Variants in HROB observed in about 807,000 individuals in gnomAD.
The protein encoded by HROB is homologous recombination OB-fold protein.
A neutral mutation model predicts 61.0 loss-of-function variants in HROB; 44 were observed. The ratio of observed to expected loss-of-function variants is 0.72; its 90% CI spans 0.57 to 0.93. HROB has a LOEUF of 0.93. HROB is among the 40% of genes least tolerant of loss of function. The pLI is 0.00. For synonymous variants in HROB, 301 were observed against 310.4 expected (o/e 0.97, Z 0.32); for missense variants, 716 against 796.2 (o/e 0.90, Z 1.21).
rs193107024 is a variant in HROB, at chr17:44,144,883, C to T, written c.4-320C>T. 2.0e-3 allele frequency among the ~76,000 whole-genome samples: 301 copies of T among 151,122 alleles called. 3 individuals carry two copies. The highest frequency in any genetic ancestry group is 7.0e-3 in the African/African-American group (287 of 41,152). ...GGCATGAGCCACCATGCCCAGCTAA[C>T]TTTTGTATTTTTAGTAGAGACAAGG... On this transcript the variant is annotated intron_variant, in intron 1 of 9. Transcript: ENST00000585683.
chr17:44,154,590 C>G lies in HROB; in HGVS notation c.1484C>G (p.Pro495Arg). ...ALKQLPRNKV[P>R]NMAVMIKSLT... ...AAGCAGCTTCCTAGGAACAAGGTCC[C>G]CAACATGGCGGTGATGATCAAGTCC... is the stretch of plus-strand genomic sequence containing the variant. The change falls in exon 6 of 10, where the codon CCC (proline) becomes CGC (arginine). Residue 495 changes from proline (P) to arginine (R), a missense_variant. Physicochemically the swap from Pro to Arg is moderately radical, Grantham distance 103. Coordinates refer to ENST00000585683, the MANE Select transcript of HROB (RefSeq NM_001171251.3). 6.2e-7 allele frequency: 1 copy of G among 1,614,122 alleles called. No homozygotes were observed. Among genetic ancestry groups the G allele is most frequent in the Non-Finnish European group, 8.5e-7 (1 of 1,180,036 alleles).
chr17:44,148,993 G>A lies in HROB; in HGVS notation c.1190G>A (p.Arg397His), dbSNP rs990763800. ...THPSTRAKTR[R>H]FPGPAGILPH... ...CCCTCCACCCGAGCCAAAACTCGCC[G>A]TTTCCCTGGCCCAGCTGGGATCCTG... Residue 397 changes from arginine (R) to histidine (H), a missense_variant, in exon 3 of 10, where the codon CGT becomes CAT. By Grantham distance (29) the Arg-to-His change is conservative. Transcript: ENST00000585683. 7.4e-6 allele frequency: 12 copies of A among 1,613,794 alleles called. No homozygotes were observed. The highest frequency in any genetic ancestry group is 2.7e-5 in the African/African-American group (2 of 74,910).
chr17:44,159,669 A>G (rs2054074260), intron 9 of HROB, among the ~76,000 whole-genome samples: 1 of 152,248 alleles, frequency 6.6e-6, no homozygotes, highest in South Asian at 2.1e-4. Flanking sequence ...CAAGCAAGTC[A>G]CGTGTCCACG....
rs2053780131 is a variant in HROB at position 44,150,836 on chromosome 17, G to T, written c.1225-125G>T. The T allele has an allele frequency of 4.0e-6, 3 of 759,016 alleles. No individual in the cohort carries two copies. The Admixed American group carries it at 7.2e-5, about 18-fold the overall frequency. 47.0% of individuals were successfully genotyped at this position (759,016 alleles called of 1,614,324 possible). On this transcript the variant is annotated intron_variant, in intron 3 of 9. Coordinates refer to ENST00000585683, the MANE Select transcript of HROB (RefSeq NM_001171251.3). ...AGGCTCCTGAGACTTTGTTAGGAGA[G>T]ATGTAATATGTGTTAATAGTCCCTG...
chr17:44,146,690 G>T (rs1326470019), intron 2 of HROB, among the ~76,000 whole-genome samples: 1 of 151,836 alleles, frequency 6.6e-6, no homozygotes, highest in Non-Finnish European at 1.5e-5. Flanking sequence ...TATAGTTCTG[G>T]TTATTATTAT....
At chr17:44,161,819 C>G in intron 9 of HROB, 52 bp from the exon 10 acceptor site, 1 of 1,586,878 alleles carries the variant, frequency 6.3e-7, no homozygotes, top group Non-Finnish European at 8.7e-7. Context: ...ACCTGAGTCA[C>G]ATGGAATGCT....
intron 3 of HROB, among the ~76,000 whole-genome samples, chr17:44,149,254 CTT>C (rs11355829): frequency 6.4e-4 from 94 of 147,520 alleles, no homozygotes; most frequent in African/African-American, 1.9e-3. Context: ...TTTTCTTCTC[CTT>C]TTTTTTTTTT....
chr17:44,157,858 T>G lies in HROB; in HGVS notation c.1796T>G (p.Val599Gly). 6.2e-7 allele frequency: 1 copy of G among 1,613,470 alleles called. No individual in the cohort carries two copies. The highest frequency in any genetic ancestry group is 1.1e-5 in the South Asian group (1 of 90,932). ...PKDSGSFQHD[V>G]AAKPEEGFRT... ...GATTCAGGGAGCTTCCAGCATGATGTGGCTGCAAAGCCCGAGGAAGGCTTC... is the reference window on the plus strand; with the variant it reads ...GATTCAGGGAGCTTCCAGCATGATGGGGCTGCAAAGCCCGAGGAAGGCTTC... The change falls in exon 9 of 10, where the codon GTG becomes GGG. Residue 599 changes from valine (V) to glycine (G), a missense_variant. Physicochemically the swap from Val to Gly is moderately radical, Grantham distance 109. Transcript: ENST00000585683.
chr17:44,160,182 A>G (rs1011166839), intron 9 of HROB, among the ~76,000 whole-genome samples: 1 of 151,552 alleles, frequency 6.6e-6, no homozygotes, highest in African/African-American at 2.4e-5. Context: ...ACTTCTCACA[A>G]TGTGCCTTCA....
In HROB at chr17:44,148,093, G is replaced by A; in HGVS notation, c.290G>A (p.Gly97Glu). Residue 97 changes from glycine to glutamate, a missense_variant, in exon 3 of 10, where the codon GGA (glycine) becomes GAA (glutamate). By Grantham distance (98) the Gly-to-Glu change is moderately conservative. Coordinates refer to ENST00000585683, the MANE Select transcript of HROB (RefSeq NM_001171251.3). ...GCTGACAGCCGTCCATCATGCATAG[G>A]AGCAGCTCCCCTAAGGCCTGTCTCT... ...PSADSRPSCI[G>E]AAPLRPVSTS... The A allele has an allele frequency of 3.1e-6, 5 of 1,614,148 alleles. No individual in the cohort carries two copies. The highest frequency in any genetic ancestry group is 4.2e-6 in the Non-Finnish European group (5 of 1,180,028).
chr17:44,143,775 C>A (rs1026111668), intron 1 of HROB, among the ~76,000 whole-genome samples: 1 of 152,078 alleles, frequency 6.6e-6, no homozygotes, highest in South Asian at 2.1e-4. Context: ...TATGATCTTG[C>A]CACTGCACTC....
chr17:44,148,700 G>C lies in HROB; in HGVS notation c.897G>C (p.Gln299His), dbSNP rs772905012. ...QSSPQNRFPCQPFQSPSSWLS... is the reference protein window; with the variant it reads ...QSSPQNRFPCHPFQSPSSWLS... ...GCCCTCAAAATCGTTTCCCTTGTCAGCCATTCCAGTCTCCAAGTTCCTGGT... is the reference window on the plus strand; with the variant it reads ...GCCCTCAAAATCGTTTCCCTTGTCACCCATTCCAGTCTCCAAGTTCCTGGT... Residue 299 changes from glutamine (Q) to histidine (H), a missense_variant, in exon 3 of 10, where the codon CAG becomes CAC. Transcript: ENST00000585683. The C allele has an allele frequency of 6.2e-7, 1 of 1,614,126 alleles. No individual in the cohort carries two copies. Among genetic ancestry groups the C allele is most frequent in the Admixed American group, 1.7e-5 (1 of 60,020 alleles).
intron 3 of HROB, among the ~76,000 whole-genome samples, chr17:44,150,470 A>G (rs1374976008): frequency 6.6e-6 from 1 of 150,386 alleles, no homozygotes; most frequent in African/African-American, 2.5e-5. Context: ...GCTCACTGCA[A>G]CCTCCACCTC....
rs186525627 is a variant in HROB, at chr17:44,158,251, C to T, written c.1879+310C>T. ...ATGGACAGGCGCTATCTTTGTGCCACACTCTGAGTCCTCTGTGGGCTGATG... is the reference window on the plus strand; with the variant it reads ...ATGGACAGGCGCTATCTTTGTGCCATACTCTGAGTCCTCTGTGGGCTGATG... On this transcript the variant is annotated intron_variant, in intron 9 of 9. Transcript: ENST00000585683. Among the ~76,000 whole-genome samples the T allele has an allele frequency of 1.7e-4, 26 of 152,290 alleles. No homozygotes were observed. The East Asian group carries it at 5.0e-3, about 29-fold the overall frequency.
Position 44,161,989 on chromosome 17 carries a change from G to T in HROB, c.*57G>T. On this transcript the variant is annotated 3_prime_UTR_variant, in exon 10 of 10. Transcript: ENST00000585683. ...GCAGGCAGCTCTGGGCATGTGTCTG[G>T]TCACATCCAAGGGGGAGAAGAAGGC... 6.4e-7 allele frequency: 1 copy of T among 1,556,898 alleles called. No homozygotes were observed. The highest frequency in any genetic ancestry group is 8.9e-7 in the Non-Finnish European group (1 of 1,129,054).
rs1178382026 is a variant in HROB, at chr17:44,148,676, C to T, written c.873C>T (p.Ser291=). 4.3e-6 allele frequency: 7 copies of T among 1,614,014 alleles called. No individual in the cohort carries two copies. The East Asian group carries it at 6.7e-5, about 15-fold the overall frequency. The change falls in exon 3 of 10, where the codon AGC becomes AGT. Residue 291 remains serine (S), a synonymous_variant. Transcript: ENST00000585683. ...LQAARGTIQS[S]PQNRFPCQPF... Reference sequence around the variant, plus strand: ...CTGCTAGAGGGACCATTCAGAGCAGCCCTCAAAATCGTTTCCCTTGTCAGC... The same window carrying T: ...CTGCTAGAGGGACCATTCAGAGCAGTCCTCAAAATCGTTTCCCTTGTCAGC...
At chr17:44,153,417 T>C (rs2053874967) in intron 5 of HROB, among the ~76,000 whole-genome samples, 2 of 151,904 alleles carry the variant, frequency 1.3e-5, no homozygotes, top group Non-Finnish European at 1.5e-5. Flanking sequence ...ATCGTGCCAC[T>C]GCCCTCCAGC....
chr17:44,150,195 G>C (rs1315313351), intron 3 of HROB, among the ~76,000 whole-genome samples: 5 of 152,108 alleles, frequency 3.3e-5, no homozygotes. Flanking sequence ...TGTGATAGGT[G>C]TGCCCTCTTC....
At chr17:44,144,572 G>T (rs2053556827) in intron 1 of HROB, among the ~76,000 whole-genome samples, 1 of 151,250 alleles carries the variant, frequency 6.6e-6, no homozygotes, top group Non-Finnish European at 1.5e-5. Context: ...CACCGTGCCT[G>T]GCAGAAAGTG....
Sources: gnomAD v4.1 joint callset for allele counts (sites outside exome capture counted in the v4.1 genomes callset) on GRCh38, gnomAD v4.1.1 for gene constraint, MANE v1.5 for transcripts, NCBI Gene and HGNC (gene_info 2026-07-23, HGNC 2026-07-21) for gene names.